Variants in INTS6 observed in about 807,000 individuals in gnomAD.
The protein encoded by INTS6 is integrator complex subunit 6.
A neutral mutation model predicts 104.9 loss-of-function variants in INTS6; 16 were observed. That is an observed-to-expected ratio of 0.15 (90% CI 0.10 to 0.23). The LOEUF is 0.23. INTS6 is among the 10% of genes least tolerant of loss of function. The pLI, the probability that INTS6 is intolerant of heterozygous loss-of-function variation, is 1.00. For synonymous variants in INTS6, 324 were observed against 358.7 expected (o/e 0.90, Z 1.09); for missense variants, 584 against 1,062.8 (o/e 0.55, Z 6.26).
At position 51,374,377 on chromosome 13, in the gene INTS6, G is replaced by A. The variant is rs561343385; in HGVS notation, c.1935C>T (p.Pro645=). Residue 645 remains proline, a synonymous_variant, in exon 15 of 18, where the codon CCC becomes CCT. Transcript: ENST00000311234. ...GGATCCCTTGCATATTTGGTTCTCC[G>A]GGTCGTTTATGTTTATTTTGAGGTC... is the stretch of plus-strand genomic sequence containing the variant. ...VAGPQNKHKR[P]GEPNMQGIPK... is the part of the protein sequence containing the mutation. The A allele has an allele frequency of 9.3e-6, 15 of 1,613,938 alleles. No individual in the cohort carries two copies. In the South Asian group the frequency reaches 1.1e-4, roughly 12 times the overall value.
At chr13:51,358,608 T>C (rs1486869642), downstream of INTS6, among the ~76,000 whole-genome samples, 1 of 152,142 alleles carries the variant, frequency 6.6e-6, no homozygotes, top group Non-Finnish European at 1.5e-5. Context: ...CTATTATTAA[T>C]TCATCCAGCA....
chr13:51,430,462 A>AAAG, intron 3 of INTS6, 79 bp from the exon 4 acceptor site: 1 of 965,650 alleles, frequency 1.0e-6, no homozygotes, highest in Admixed American at 2.1e-5. Context: ...TCAGAACAGC[A>AAAG]TATATACGAT....
chr13:51,354,428 G>A (rs1465316812), intron 3 of INTS6: 1 of 151,980 alleles, frequency 6.6e-6, no homozygotes. Flanking sequence ...CATAATGTAA[G>A]CACTCATTAA....
chr13:51,412,370 T>C lies in INTS6; in HGVS notation c.430-16887A>G, dbSNP rs562071372. Among the ~76,000 whole-genome samples the C allele has an allele frequency of 2.0e-3, 299 of 152,302 alleles. 2 individuals carry two copies. The highest frequency in any genetic ancestry group is 6.8e-3 in the African/African-American group (284 of 41,556). On this transcript the variant is annotated intron_variant, in intron 4 of 17. Coordinates refer to ENST00000311234, the MANE Select transcript of INTS6 (RefSeq NM_012141.3). ...CAAAATGTGAGTGTCATGTATTTAG[T>C]AGCCAAACAAGAAAAGGTTCTAGAA...
chr13:51,430,447 A>C, intron 3 of INTS6, 64 bp from the exon 4 acceptor site: 1 of 1,263,132 alleles, frequency 7.9e-7, no homozygotes, highest in Non-Finnish European at 1.1e-6. Context: ...GTAAAAAGTC[A>C]ATTCTCAGAA....
chr13:51,341,421 G>GCTCACA, the INTS6 span: 9 of 1,366,456 alleles, frequency 6.6e-6, no homozygotes, highest in Admixed American at 1.8e-4. Flanking sequence ...TCACCCTCCT[G>GCTCACA]CTCACACTCA....
At chr13:51,367,225 A>G (rs2137854809) in intron 17 of INTS6, among the ~76,000 whole-genome samples, 1 of 152,060 alleles carries the variant, frequency 6.6e-6, no homozygotes, top group East Asian at 1.9e-4. Flanking sequence ...TTAGAAAATG[A>G]CAAGAAAAAA....
intron 3 of INTS6, 152 bp downstream of exon 3, chr13:51,450,873 G>A: frequency 7.9e-7 from 1 of 1,270,436 alleles, no homozygotes. Flanking sequence ...ATATATAGTA[G>A]GGTAAGAGTT....
chr13:51,396,502 A>G (rs187345644), intron 4 of INTS6, among the ~76,000 whole-genome samples: 59 of 152,340 alleles, frequency 3.9e-4, no homozygotes, highest in African/African-American at 1.4e-3. Context: ...AACAGTGTAC[A>G]AACAGAATCC....
At chr13:51,426,375 A>G (rs1046549073) in intron 4 of INTS6, among the ~76,000 whole-genome samples, 1 of 152,096 alleles carries the variant, frequency 6.6e-6, no homozygotes, top group South Asian at 2.1e-4. Flanking sequence ...TCTAGGCTCA[A>G]AACAACTTTA....
intron 4 of INTS6, among the ~76,000 whole-genome samples, chr13:51,404,304 A>C (rs1265276850): frequency 6.6e-6 from 1 of 151,586 alleles, no homozygotes; most frequent in East Asian, 1.9e-4. Context: ...AAAAAAAAAA[A>C]AAAAACAAAA....
the INTS6 span, chr13:51,348,264 A>C: frequency 6.2e-7 from 1 of 1,608,484 alleles, no homozygotes; most frequent in Non-Finnish European, 8.5e-7. Context: ...GAGCTTCCTT[A>C]CCTGGGAAGT....
In INTS6 at chr13:51,387,513, A is replaced by G; in HGVS notation, c.767T>C (p.Phe256Ser). 6.2e-7 allele frequency: 1 copy of G among 1,612,636 alleles called. No individual in the cohort carries two copies. Among genetic ancestry groups the G allele is most frequent in the Non-Finnish European group, 8.5e-7 (1 of 1,179,156 alleles). Reference protein sequence around the residue: ...EDGQPDISRPFGSQPWHSCHK... With the variant: ...EDGQPDISRPSGSQPWHSCHK... ...ACAGCTATGCCAAGGCTGAGATCCA[A>G]AAGGCCTTGATATATCTGGCTGCCC... Residue 256 changes from phenylalanine (F) to serine (S), a missense_variant, in exon 7 of 18, where the codon TTT becomes TCT. By Grantham distance (155) the Phe-to-Ser change is radical. This residue lies in a region of INTS6 where 144 missense variants were observed against 348.7 expected (regional missense o/e 0.41). Transcript: ENST00000311234.
Position 51,415,185 on chromosome 13 carries a change from T to A in INTS6, c.429+15109A>T, listed in dbSNP as rs189424373. Among the ~76,000 whole-genome samples the A allele has an allele frequency of 5.4e-3, 822 of 152,004 alleles. 6 individuals are homozygous for A. Among genetic ancestry groups the A allele is most frequent in the Non-Finnish European group, 8.3e-3 (562 of 67,942 alleles). On this transcript the variant is annotated intron_variant, in intron 4 of 17. Coordinates refer to ENST00000311234, the MANE Select transcript of INTS6 (RefSeq NM_012141.3). ...CAGAACCGTTCACTTAAAAAAAAAA[T>A]TCTTTAAAAATCTCTCTATTTGAAA... is the stretch of plus-strand genomic sequence containing the variant.
the INTS6 span, among the ~76,000 whole-genome samples, chr13:51,343,308 T>C: frequency 6.6e-6 from 1 of 152,206 alleles, no homozygotes; most frequent in Non-Finnish European, 1.5e-5. Flanking sequence ...GGGGCTTCAC[T>C]TCTGGAAACA....
Position 51,383,720 on chromosome 13 carries a change from C to A in INTS6, c.916G>T (p.Val306Leu). 2 of 1,612,950 alleles carry A rather than the reference C, an allele frequency of 1.2e-6. No homozygotes were observed. The highest frequency in any genetic ancestry group is 1.7e-6 in the Non-Finnish European group (2 of 1,179,450). Residue 306 changes from valine (V) to leucine (L), a missense_variant, in exon 8 of 18, where the codon GTA (valine) becomes TTA (leucine). Val to Leu is a conservative substitution (Grantham distance 32, BLOSUM62 1). Transcript: ENST00000311234. ...CAGTCTGTACAGGAAAACTTCACTA[C>A]AGGATGAGATGTACGAGGTGGCTAA... ...PTLPPRTSHP[V>L]VKFSCTDCEP...
At chr13:51,415,572 G>GT (rs1335716231) in intron 4 of INTS6, among the ~76,000 whole-genome samples, 2 of 152,160 alleles carry the variant, frequency 1.3e-5, no homozygotes, top group Admixed American at 1.3e-4. Flanking sequence ...TGCCACCCAT[G>GT]TAAGACATGA....
Position 51,453,012 on chromosome 13 carries a change from T to C in INTS6, c.-487A>G. On this transcript the variant is annotated 5_prime_UTR_variant, in exon 1 of 18. Coordinates refer to ENST00000311234, the MANE Select transcript of INTS6 (RefSeq NM_012141.3). ...CCGCACCCCGGCGGTGTCACCACTT[T>C]CTCAGCCCCTCTCGCTACTGAAGCG... is the stretch of plus-strand genomic sequence containing the variant. The C allele has an allele frequency of 3.0e-6, 3 of 1,011,588 alleles. No homozygotes were observed. Among genetic ancestry groups the C allele is most frequent in the East Asian group, 1.1e-4 (1 of 8,868 alleles). 62.7% of individuals were successfully genotyped at this position (1,011,588 alleles called of 1,614,324 possible).
At chr13:51,442,658 G>C (rs1952820195) in intron 3 of INTS6, 2 of 152,816 alleles carry the variant, frequency 1.3e-5, no homozygotes, top group African/African-American at 4.8e-5. Context: ...CCTCCTGTTA[G>C]ATCAGCAGCA....
Sources: gnomAD v4.1 joint callset for allele counts (sites outside exome capture counted in the v4.1 genomes callset) on GRCh38, gnomAD v4.1.1 for gene constraint, gnomAD v4.1.1 regional missense constraint, MANE v1.5 for transcripts, NCBI Gene and HGNC (gene_info 2026-07-23, HGNC 2026-07-21) for gene names.